MMP25: variants seen among roughly 807,000 people sequenced by gnomAD.
The protein encoded by MMP25 is matrix metallopeptidase 25, also known as matrix metalloproteinase-25.
A neutral mutation model predicts 62.1 loss-of-function variants in MMP25; 68 were observed. The ratio of observed to expected loss-of-function variants is 1.10; its 90% confidence interval spans 0.90 to 1.34. The LOEUF is 1.34. Among genes scored for constraint, MMP25 ranks in the 40% most tolerant of loss-of-function variants. The probability of loss-of-function intolerance (pLI) is 0.00; values close to 1 mark genes in which losing one functional copy is unlikely to be tolerated. For missense variants in MMP25, 942 were observed against 792.5 expected, an observed-to-expected ratio of 1.19 and a Z score of -2.26; for synonymous variants, 407 against 345.6, an observed-to-expected ratio of 1.18 and a Z score of -1.97.
At position 3,058,394 on chromosome 16, in the gene MMP25, C is replaced by G; in HGVS notation, c.1160-18C>G. On this transcript the variant is annotated intron_variant, in intron 8 of 9. Coordinates refer to ENST00000336577, the MANE Select transcript of MMP25 (RefSeq NM_022468.5). ...GCGCGGGGAGCCCACCCCTGACCTC[C>G]CGGCCTCCACCCTGCAGGGCCCCAG... 1 of 1,514,234 alleles carries G rather than the reference C, an allele frequency of 6.6e-7. No homozygotes were observed. Among genetic ancestry groups the G allele is most frequent in the Non-Finnish European group, 8.8e-7 (1 of 1,131,260 alleles). The allele number at this position is 1,514,234 out of a possible 1,614,324, so 93.8% of individuals were successfully genotyped here. A position where few individuals can be genotyped will look rare whatever the true frequency, so the allele number is the denominator to read the frequency against.
intron 4 of MMP25, chr16:3,053,106 G>A (rs574155052): frequency 1.1e-3 from 160 of 152,294 alleles, no homozygotes; most frequent in Middle Eastern, 0.01. Context: ...GGCAGCCAGG[G>A]AGGGTGCCTA....
intron 4 of MMP25, among the ~76,000 whole-genome samples, 177 bp downstream of exon 4, chr16:3,050,723 C>A (rs528664150): frequency 2.3e-4 from 35 of 152,346 alleles, no homozygotes; most frequent in African/African-American, 7.7e-4. Context: ...AGCAATCCTC[C>A]CACCTCAGAC....
At chr16:3,051,213 A>ATG (rs1254187224) in intron 4 of MMP25, 1 of 150,990 alleles carries the variant, frequency 6.6e-6, no homozygotes, top group Non-Finnish European at 1.5e-5. Flanking sequence ...GTGTGTGTGT[A>ATG]TGTGTGTGGG....
Position 3,058,413 on chromosome 16 carries a change from G to A in MMP25, c.1161G>A (p.Gly387=), listed in dbSNP as rs767745908. 1.9e-6 allele frequency: 3 copies of A among 1,552,042 alleles called. No homozygotes were observed. The African/African-American group carries it at 4.1e-5, about 21-fold the overall frequency. The change falls in exon 9 of 10, where the codon GGG becomes GGA. Residue 387 remains glycine (G), a splice_region_variant and synonymous_variant. Coordinates refer to ENST00000336577, the MANE Select transcript of MMP25 (RefSeq NM_022468.5). Reference sequence around the variant, plus strand: ...GACCTCCCGGCCTCCACCCTGCAGGGCCCCAGTTCTGGGTGTTCCAGGACC... The same window carrying A: ...GACCTCCCGGCCTCCACCCTGCAGGACCCCAGTTCTGGGTGTTCCAGGACC... ...HRDGRILLFS[G]PQFWVFQDRQ...
At chr16:3,057,847 T>C in intron 7 of MMP25, 2 of 595,672 alleles carry the variant, frequency 3.4e-6, no homozygotes, top group Non-Finnish European at 5.9e-6. Flanking sequence ...CACAGGCACA[T>C]GCCACCACGC....
intron 1 of MMP25, 64 bp from the exon 2 acceptor site, chr16:3,047,351 G>T: frequency 6.4e-7 from 1 of 1,553,604 alleles, no homozygotes; most frequent in Non-Finnish European, 8.7e-7. Flanking sequence ...CCAGGATGGT[G>T]GTGGGCAGAG....
Position 3,059,105 on chromosome 16 carries a change from G to C in MMP25, c.*7G>C. On this transcript the variant is annotated 3_prime_UTR_variant, in exon 10 of 10. Coordinates refer to ENST00000336577, the MANE Select transcript of MMP25 (RefSeq NM_022468.5). Reference sequence around the variant, plus strand: ...GGGTGTAGCCTCCCGCTGATGGGGGGAGCCATCCAGACCGAACAGCGCCCT... The same window carrying C: ...GGGTGTAGCCTCCCGCTGATGGGGGCAGCCATCCAGACCGAACAGCGCCCT... The C allele has an allele frequency of 6.5e-7, 1 of 1,534,872 alleles. No homozygotes were observed. Among genetic ancestry groups the C allele is most frequent in the Non-Finnish European group, 8.8e-7 (1 of 1,137,706 alleles).
chr16:3,058,494 G>A lies in MMP25; in HGVS notation c.1242G>A (p.Glu414=), dbSNP rs760929324. Residue 414 remains glutamate (E), a synonymous_variant, in exon 9 of 10, where the codon GAG becomes GAA. Transcript: ENST00000336577. The part of the protein sequence containing the change: ...PLTELGLPPG[E]EVDAVFSWPQ... ...CGGAGCTGGGGCTGCCCCCGGGAGA[G>A]GAGGTGGACGCCGTGTTCTCGTGGC... 2 of 1,609,024 alleles carry A rather than the reference G, an allele frequency of 1.2e-6. No individual in the cohort carries two copies. The highest frequency in any genetic ancestry group is 1.1e-5 in the South Asian group (1 of 90,594).
intron 4 of MMP25, chr16:3,053,148 T>A (rs1382851598): frequency 1.3e-5 from 2 of 152,486 alleles, no homozygotes; most frequent in Non-Finnish European, 2.9e-5. Context: ...AGGCAGAGGC[T>A]GGGGAGGCTG....
chr16:3,055,865 C>T, intron 4 of MMP25: 2 of 455,440 alleles, frequency 4.4e-6, no homozygotes, highest in Non-Finnish European at 8.8e-6. Flanking sequence ...TGGCAGGCGG[C>T]TCACCGGTTG....
chr16:3,049,338 C>A (rs185202215), intron 2 of MMP25, among the ~76,000 whole-genome samples: 277 of 152,274 alleles, frequency 1.8e-3, no homozygotes, highest in African/African-American at 6.4e-3. Context: ...GGATCTGGCT[C>A]ACTACAAGGA....
In MMP25 at chr16:3,058,589, C is replaced by G; in HGVS notation, c.1337C>G (p.Pro446Arg). Residue 446 changes from proline (P) to arginine (R), a missense_variant, in exon 9 of 10, where the codon CCG (proline) becomes CGG (arginine). Transcript: ENST00000336577. ...CGCTACGACGAGGCGGCGGCGCGCC[C>G]GGACCCCGGCTACCCTCGCGACCTG... ...YWRYDEAAAR[P>R]DPGYPRDLSL... The G allele has an allele frequency of 6.2e-7, 1 of 1,607,600 alleles. No homozygotes were observed. Among genetic ancestry groups the G allele is most frequent in the South Asian group, 1.1e-5 (1 of 90,506 alleles).
At chr16:3,057,797 C>G (rs1018279254) in intron 7 of MMP25, 184 bp downstream of exon 7, 4 of 632,462 alleles carry the variant, frequency 6.3e-6, no homozygotes, top group Admixed American at 2.7e-5. Context: ...ATACTGGGCT[C>G]AAGCGATCCT....
chr16:3,058,197 C>G lies in MMP25; in HGVS notation c.1023C>G (p.Arg341=). The G allele has an allele frequency of 6.2e-7, 1 of 1,612,862 alleles. No individual in the cohort carries two copies. The highest frequency in any genetic ancestry group is 1.1e-5 in the South Asian group (1 of 90,958). Residue 341 remains arginine (R), a synonymous_variant, in exon 8 of 10, where the codon CGC becomes CGG. Coordinates refer to ENST00000336577, the MANE Select transcript of MMP25 (RefSeq NM_022468.5). ...CCCCTGCAGGCCCCTGGTTCTGGCG[C>G]CTCCAGCCCTCCGGACAGCTGGTGT... The part of the protein sequence containing the change: ...TFFFKGPWFW[R]LQPSGQLVSP...
At chr16:3,051,369 C>T (rs1471173862) in intron 4 of MMP25, 5 of 152,236 alleles carry the variant, frequency 3.3e-5, no homozygotes, top group Admixed American at 6.6e-5. Context: ...TCCTTCCTCT[C>T]CAGGAAACCT....
Position 3,057,219 on chromosome 16 carries a change from G to C in MMP25, c.838+10G>C, listed in dbSNP as rs1280937265. 3 of 1,613,206 alleles carry C rather than the reference G, an allele frequency of 1.9e-6. No individual in the cohort carries two copies. Among genetic ancestry groups the C allele is most frequent in the African/African-American group, 2.7e-5 (2 of 74,880 alleles). On this transcript the variant is annotated intron_variant, in intron 5 of 9. Coordinates refer to ENST00000336577, the MANE Select transcript of MMP25 (RefSeq NM_022468.5). Reference sequence around the variant, plus strand: ...CTGCAGCAACTCTATGGTAGGGGGAGAGGGACCTGCCGCGAAACCATCATT... The same window carrying C: ...CTGCAGCAACTCTATGGTAGGGGGACAGGGACCTGCCGCGAAACCATCATT...
chr16:3,055,606 G>A (rs190589776), intron 4 of MMP25: 12 of 324,828 alleles, frequency 3.7e-5, no homozygotes, highest in East Asian at 2.5e-4. Flanking sequence ...GAACGAAAAC[G>A]TGTTTGCTAC....
chr16:3,047,469 C>T lies in MMP25; in HGVS notation c.154C>T (p.Leu52=), dbSNP rs747290111. 2 of 1,613,938 alleles carry T rather than the reference C, an allele frequency of 1.2e-6. No homozygotes were observed. The highest frequency in any genetic ancestry group is 2.2e-5 in the East Asian group (1 of 44,874). ...LPPPHPAQAQ[L]QSPEKLRDAI... The stretch of plus-strand genomic sequence containing the variant: ...GCCACCCCACCCTGCCCAGGCCCAG[C>T]TGCAGAGCCCTGAGAAGTTGCGCGA... The change falls in exon 2 of 10, where the codon CTG becomes TTG. Residue 52 remains leucine (L), a synonymous_variant. Transcript: ENST00000336577.
In MMP25 at chr16:3,058,511, T is replaced by G; in HGVS notation, c.1259T>G (p.Phe420Cys). The change falls in exon 9 of 10, where the codon TTC (phenylalanine) becomes TGC (cysteine). Residue 420 changes from phenylalanine to cysteine, a missense_variant. Transcript: ENST00000336577. ...CCGGGAGAGGAGGTGGACGCCGTGTTCTCGTGGCCACAGAACGGGAAGACC... is the reference window on the plus strand; with the variant it reads ...CCGGGAGAGGAGGTGGACGCCGTGTGCTCGTGGCCACAGAACGGGAAGACC... ...LPPGEEVDAV[F>C]SWPQNGKTYL... The G allele has an allele frequency of 6.2e-7, 1 of 1,609,846 alleles. No homozygotes were observed. Among genetic ancestry groups the G allele is most frequent in the Non-Finnish European group, 8.5e-7 (1 of 1,179,074 alleles).
Sources: gnomAD v4.1 joint callset for allele counts (sites outside exome capture counted in the v4.1 genomes callset) on GRCh38, gnomAD v4.1.1 for gene constraint, MANE v1.5 for transcripts, NCBI Gene and HGNC (gene_info 2026-07-23, HGNC 2026-07-21) for gene names.